ZNF75A: variants seen among roughly 807,000 people sequenced by gnomAD.
ZNF75A encodes zinc finger protein 75A.
In ZNF75A, 36 loss-of-function variants were observed where a neutral mutation model predicts 46.3. That is an observed-to-expected ratio of 0.78 (90% CI 0.60 to 1.03). ZNF75A has a LOEUF of 1.03. ZNF75A is among the 50% of genes least tolerant of loss of function. ZNF75A has a pLI of 0.00. For missense variants in ZNF75A, 595 were observed against 551.3 expected, an observed-to-expected ratio of 1.08 and a Z score of -0.79; for synonymous variants, 234 against 189.9, an observed-to-expected ratio of 1.23 and a Z score of -1.91.
At chr16:3,309,248 G>A (rs1960528040) in intron 2 of ZNF75A, 1 of 152,110 alleles carries the variant, frequency 6.6e-6, no homozygotes, top group Non-Finnish European at 1.5e-5. Flanking sequence ...CCTGAGGTCA[G>A]GAGTTCAAGA....
At chr16:3,319,633 A>G (rs185283698), downstream of ZNF75A, among the ~76,000 whole-genome samples, 4 of 152,326 alleles carry the variant, frequency 2.6e-5, no homozygotes, top group Admixed American at 1.3e-4. Flanking sequence ...GGAGTGGCCA[A>G]GAGACAAAAT....
chr16:3,322,117 C>T (rs2029966633), downstream of ZNF75A, among the ~76,000 whole-genome samples: 1 of 152,148 alleles, frequency 6.6e-6, no homozygotes, highest in Non-Finnish European at 1.5e-5. Flanking sequence ...CTGAAGCTCT[C>T]CCCACATTCT....
chr16:3,310,687 T>G, intron 2 of ZNF75A: 2 of 984,530 alleles, frequency 2.0e-6, no homozygotes, highest in Non-Finnish European at 2.4e-6. Flanking sequence ...AAAGAAAACA[T>G]AGAAAAAAGG....
At chr16:3,316,855 G>A in intron 5 of ZNF75A, 57 bp from the exon 6 acceptor site, 1 of 1,187,932 alleles carries the variant, frequency 8.4e-7, no homozygotes, top group Non-Finnish European at 1.2e-6. Context: ...TCTGGGATTA[G>A]TGGACCAGTT....
rs761362116 is a variant in ZNF75A, at chr16:3,317,598, A to C, written c.1343A>C (p.His448Pro). 1.2e-6 allele frequency: 2 copies of C among 1,614,188 alleles called. No homozygotes were observed. The highest frequency in any genetic ancestry group is 1.7e-6 in the Non-Finnish European group (2 of 1,180,026). ...RFRWSSDLNKHLTTHQGIKPY... is the reference protein window; with the variant it reads ...RFRWSSDLNKPLTTHQGIKPY... ...AGATGGAGTTCAGATCTTAATAAGCACTTAACAACACACCAAGGAATAAAA... is the reference window on the plus strand; with the variant it reads ...AGATGGAGTTCAGATCTTAATAAGCCCTTAACAACACACCAAGGAATAAAA... The change falls in exon 7 of 7, where the codon CAC (histidine) becomes CCC (proline). Residue 448 changes from histidine (H) to proline (P), a missense_variant. His to Pro is a moderately conservative substitution (Grantham distance 77, BLOSUM62 -2). Coordinates refer to ENST00000669516, the MANE Select transcript of ZNF75A (RefSeq NM_001302109.2).
intron 5 of ZNF75A, chr16:3,314,869 C>G: frequency 1.0e-6 from 1 of 985,402 alleles, no homozygotes; most frequent in Non-Finnish European, 1.2e-6. Flanking sequence ...TGTCATTTGT[C>G]TAGGTAAAGA....
At chr16:3,314,879 A>G in intron 5 of ZNF75A, 1 of 985,360 alleles carries the variant, frequency 1.0e-6, no homozygotes, top group Non-Finnish European at 1.2e-6. Flanking sequence ...CTAGGTAAAG[A>G]TTCTCCCTTC....
At position 3,308,770 on chromosome 16, in the gene ZNF75A, G is replaced by T; in HGVS notation, c.342G>T (p.Gln114His). The change falls in exon 2 of 7, where the codon CAG becomes CAT. Residue 114 changes from glutamine (Q) to histidine (H), a missense_variant. Coordinates refer to ENST00000669516, the MANE Select transcript of ZNF75A (RefSeq NM_001302109.2). Reference sequence around the variant, plus strand: ...CCCAGATGCAGAAGCACCATCCACAGAGCATTGAGGAGGCTGTGGCTCTGG... The same window carrying T: ...CCCAGATGCAGAAGCACCATCCACATAGCATTGAGGAGGCTGTGGCTCTGG... ...TQTQMQKHHP[Q>H]SIEEAVALVE... is the part of the protein sequence containing the mutation. 3 of 986,866 alleles carry T rather than the reference G, an allele frequency of 3.0e-6. No individual in the cohort carries two copies. Among genetic ancestry groups the T allele is most frequent in the South Asian group, 4.6e-5 (1 of 21,688 alleles). 61.1% of individuals were successfully genotyped at this position (986,866 alleles called of 1,614,324 possible).
At chr16:3,323,014 G>C, downstream of ZNF75A, 1 of 777,548 alleles carries the variant, frequency 1.3e-6, no homozygotes, top group Non-Finnish European at 1.6e-6. Context: ...GTGATGAGAG[G>C]TACTTGCCAT....
In ZNF75A at chr16:3,317,836, A is replaced by C. The variant is rs1961345665; in HGVS notation, c.1581A>C (p.Ser527=). 1 of 1,612,814 alleles carries C rather than the reference A, an allele frequency of 6.2e-7. No homozygotes were observed. The highest frequency in any genetic ancestry group is 8.5e-7 in the Non-Finnish European group (1 of 1,179,246). The change falls in exon 7 of 7, where the codon TCA becomes TCC. Residue 527 remains serine (S), a synonymous_variant. Coordinates refer to ENST00000669516, the MANE Select transcript of ZNF75A (RefSeq NM_001302109.2). ...GCAGGAGAAACTTCAGCAGGCGGTCAAGCCTTCTTAGACACCAGAAACTCC... is the reference window on the plus strand; with the variant it reads ...GCAGGAGAAACTTCAGCAGGCGGTCCAGCCTTCTTAGACACCAGAAACTCC... ...SICRRNFSRR[S]SLLRHQKLHL is the part of the protein sequence containing the mutation.
intron 2 of ZNF75A, chr16:3,310,752 A>G (rs1960706756): frequency 1.0e-6 from 1 of 985,460 alleles, no homozygotes. Context: ...AGGACAGGAA[A>G]TGCACTGATG....
chr16:3,323,106 T>A, downstream of ZNF75A: 1 of 548,032 alleles, frequency 1.8e-6, no homozygotes, highest in Non-Finnish European at 3.0e-6. Context: ...TGAAGATACT[T>A]GATAAAAAAA....
chr16:3,316,810 C>T (rs1364704237), intron 5 of ZNF75A, 102 bp from the exon 6 acceptor site: 2 of 758,462 alleles, frequency 2.6e-6, no homozygotes, highest in Admixed American at 2.6e-5. Flanking sequence ...TTTGGAGTAA[C>T]AAATTGTAAA....
Position 3,308,611 on chromosome 16 carries a change from A to G in ZNF75A, c.183A>G (p.Gly61=). The part of the protein sequence containing the change: ...FRNFTYDEAG[G]PREAVSKLQE... ...ATTTCACCTATGATGAAGCAGGTGG[A>G]CCCCGTGAGGCTGTCAGCAAACTTC... is the stretch of plus-strand genomic sequence containing the variant. Residue 61 remains glycine (G), a synonymous_variant, in exon 2 of 7, where the codon GGA becomes GGG. Coordinates refer to ENST00000669516, the MANE Select transcript of ZNF75A (RefSeq NM_001302109.2). 1.0e-6 allele frequency: 1 copy of G among 986,168 alleles called. No individual in the cohort carries two copies. The highest frequency in any genetic ancestry group is 1.2e-6 in the Non-Finnish European group (1 of 830,004). 61.1% of individuals were successfully genotyped at this position (986,168 alleles called of 1,614,324 possible). A position where few individuals can be genotyped will look rare whatever the true frequency, so the allele number is the denominator to read the frequency against.
At position 3,318,803 on chromosome 16, in the gene ZNF75A, A is replaced by G. The variant is rs1961411248; in HGVS notation, c.*934A>G. The G allele has an allele frequency of 4.1e-6, 4 of 985,342 alleles. No individual in the cohort carries two copies. The highest frequency in any genetic ancestry group is 4.7e-5 in the South Asian group (1 of 21,294). The allele number at this position is 985,342 out of a possible 1,614,324, so 61.0% of individuals were successfully genotyped here. On this transcript the variant is annotated 3_prime_UTR_variant, in exon 7 of 7. Transcript: ENST00000669516. ...GCTCATTTGGCATGGAGACCTGGAC[A>G]TGTAGTCAGCAGGAGACGGTTCCCT...
At chr16:3,310,896 C>A (rs1162728419) in intron 2 of ZNF75A, 1 of 985,266 alleles carries the variant, frequency 1.0e-6, no homozygotes, top group African/African-American at 1.7e-5. Flanking sequence ...CTCGGGTCTG[C>A]TGGGAAGAAT....
downstream of ZNF75A, among the ~76,000 whole-genome samples, chr16:3,322,626 G>C (rs2029985697): frequency 6.6e-6 from 1 of 152,170 alleles, no homozygotes. Context: ...AATGAATCTT[G>C]AGTTGCACCA....
At chr16:3,314,852 G>T in intron 5 of ZNF75A, 1 of 985,404 alleles carries the variant, frequency 1.0e-6, no homozygotes, top group Non-Finnish European at 1.2e-6. Context: ...CAGGAAAACT[G>T]TAAGACTGTC....
In ZNF75A at chr16:3,318,119, A is replaced by C. The variant is rs538517841; in HGVS notation, c.*250A>C. ...ATTTTTGAACACATCCAATAGAAAC[A>C]TTGGCAGCATGGTCTTCCAAAACAA... On this transcript the variant is annotated 3_prime_UTR_variant, in exon 7 of 7. Transcript: ENST00000669516. 8.2e-7 allele frequency: 1 copy of C among 1,225,100 alleles called. No homozygotes were observed. The allele number at this position is 1,225,100 out of a possible 1,614,324, so 75.9% of individuals were successfully genotyped here. A position where few individuals can be genotyped will look rare whatever the true frequency, so the allele number is the denominator to read the frequency against.
Sources: gnomAD v4.1 joint callset for allele counts (sites outside exome capture counted in the v4.1 genomes callset) on GRCh38, gnomAD v4.1.1 for gene constraint, MANE v1.5 for transcripts, NCBI Gene and HGNC (gene_info 2026-07-23, HGNC 2026-07-21) for gene names.